RAPH1: variants seen among roughly 807,000 people sequenced by gnomAD.
RAPH1 encodes Ras association (RalGDS/AF-6) and pleckstrin homology domains 1.
RAPH1 carries 18 observed loss-of-function variants against 88.1 expected under a neutral mutation model. That is an observed-to-expected ratio of 0.20 (90% CI 0.14 to 0.30). The LOEUF (loss-of-function observed/expected upper bound fraction) is 0.30, where lower values mean the gene tolerates loss of function less well. Ranked by LOEUF, RAPH1 falls within the 10% of genes least tolerant of loss-of-function variation. The pLI is 1.00. For missense variants in RAPH1, 1,448 were observed against 1,543.2 expected, an observed-to-expected ratio of 0.94 and a Z score of 1.03; for synonymous variants, 587 against 559.0, an observed-to-expected ratio of 1.05 and a Z score of -0.71.
intron 10 of RAPH1, among the ~76,000 whole-genome samples, chr2:203,453,673 G>A (rs2098516738): frequency 6.8e-6 from 1 of 147,458 alleles, no homozygotes; most frequent in African/African-American, 2.5e-5. Flanking sequence ...CCAAACTAAA[G>A]TGACAATTCT....
At chr2:203,449,440 A>G (rs2098512899) in intron 10 of RAPH1, among the ~76,000 whole-genome samples, 1 of 152,220 alleles carries the variant, frequency 6.6e-6, no homozygotes, top group Admixed American at 6.5e-5. Context: ...ATAGATGTCA[A>G]CAGCATCTTC....
At chr2:203,446,766 CAG>C (rs2098510058) in intron 12 of RAPH1, 1 of 152,082 alleles carries the variant, frequency 6.6e-6, no homozygotes, top group African/African-American at 2.4e-5. Context: ...TTTTGTGAGA[CAG>C]GGTCTCGTTC....
Position 203,461,384 on chromosome 2 carries a change from C to G in RAPH1, c.835G>C (p.Asp279His), listed in dbSNP as rs757670367. ...KKLVIRVHMS[D>H]DSSKTMMVDE... ...ACCATCATTGTTTTAGAACTGTCAT[C>G]AGACATGTGGACTCTGATCACCAGC... The change falls in exon 6 of 14, where the codon GAT becomes CAT. Residue 279 changes from aspartate to histidine, a missense_variant. This residue lies in a region of RAPH1 where 513 missense variants were observed against 653.1 expected (regional missense o/e 0.79). Coordinates refer to ENST00000319170, the MANE Select transcript of RAPH1 (RefSeq NM_213589.3). 2.5e-6 allele frequency: 4 copies of G among 1,607,138 alleles called. No individual in the cohort carries two copies. Among genetic ancestry groups the G allele is most frequent in the Non-Finnish European group, 3.4e-6 (4 of 1,176,502 alleles).
chr2:203,449,208 A>T (rs2098512653), intron 10 of RAPH1, among the ~76,000 whole-genome samples: 1 of 152,220 alleles, frequency 6.6e-6, no homozygotes, highest in Non-Finnish European at 1.5e-5. Context: ...TTCACTTTCA[A>T]CCCACTGAAA....
intron 1 of RAPH1, among the ~76,000 whole-genome samples, chr2:203,510,368 T>TGA (rs1689283897): frequency 6.7e-6 from 1 of 148,564 alleles, no homozygotes; most frequent in Non-Finnish European, 1.5e-5. Flanking sequence ...AAAGTCCTCT[T>TGA]GAGGTTCTTG....
In RAPH1 at chr2:203,448,729, G is replaced by GAGA. The variant is rs755757498; in HGVS notation, c.1512+6_1512+8dup. 12 of 1,559,856 alleles carry GAGA rather than the reference G, an allele frequency of 7.7e-6. No homozygotes were observed. The South Asian group carries it at 1.4e-4, about 18-fold the overall frequency. ...CATTATTCCATCATCAAATCAAAAG[G>GAGA]AGACATGCCTTTGCAATGCGGATCC... On this transcript the variant is annotated intron_variant, in intron 11 of 13. Transcript: ENST00000319170. The surrounding 1 kb of genome is among the most constrained non-coding windows in gnomAD (Gnocchi z 4.1).
chr2:203,443,790 G>C (rs1581249798), intron 13 of RAPH1: 1 of 152,186 alleles, frequency 6.6e-6, no homozygotes, highest in Admixed American at 6.6e-5. Flanking sequence ...GACCAGCCCA[G>C]GCAAAATAGC....
intron 4 of RAPH1, among the ~76,000 whole-genome samples, chr2:203,471,845 AT>A (rs1218653225): frequency 6.6e-6 from 1 of 151,712 alleles, no homozygotes; most frequent in Non-Finnish European, 1.5e-5. Flanking sequence ...CTAAGGTCCA[AT>A]TTTTTTAATT....
At position 203,440,703 on chromosome 2, in the gene RAPH1, AG is replaced by A. The variant is rs2098502854; in HGVS notation, c.2486del (p.Pro829LeufsTer34). On this transcript the variant is annotated frameshift_variant, in exon 14 of 14. Transcript: ENST00000319170. LOFTEE classifies it high-confidence loss of function. ...FPASYIPPSP[P>X]TPPVPVPPPT... ...GCGGGGGTACTGGAACAGGAGGGGT[AG>A]GGGGAGAGGGTGGAATGTAAGAAGC... The A allele has an allele frequency of 1.5e-6, 2 of 1,362,004 alleles. No homozygotes were observed. Among genetic ancestry groups the A allele is most frequent in the African/African-American group, 1.9e-5 (1 of 51,666 alleles). 84.4% of individuals were successfully genotyped at this position (1,362,004 alleles called of 1,614,324 possible).
chr2:203,489,070 G>A (rs1397506297), intron 4 of RAPH1, among the ~76,000 whole-genome samples: 6 of 151,630 alleles, frequency 4.0e-5, no homozygotes, highest in Non-Finnish European at 5.9e-5. Flanking sequence ...AGGTTGCAGC[G>A]AGCTGAGATC....
In RAPH1 at chr2:203,439,947, C is replaced by T. The variant is rs928824679; in HGVS notation, c.3243G>A (p.Glu1081=). The change falls in exon 14 of 14, where the codon GAG becomes GAA. Residue 1081 remains glutamate (E), a synonymous_variant. Transcript: ENST00000319170. ...GAATCTCAATGGGGGGCAGAGGAAG[C>T]TCTGTTTCAGGTGGAGGGGGTGGAA... The part of the protein sequence containing the change: ...SDFPPPPPET[E]LPLPPIEIPA... 1 of 1,613,738 alleles carries T rather than the reference C, an allele frequency of 6.2e-7. No individual in the cohort carries two copies. The highest frequency in any genetic ancestry group is 8.5e-7 in the Non-Finnish European group (1 of 1,179,970).
intron 4 of RAPH1, among the ~76,000 whole-genome samples, chr2:203,482,181 T>C (rs1172258665): frequency 3.3e-5 from 5 of 152,074 alleles, no homozygotes; most frequent in Non-Finnish European, 7.4e-5. Flanking sequence ...TACCTATTCC[T>C]TTATTTTATT....
Position 203,447,952 on chromosome 2 carries a change from G to A in RAPH1, c.1633+7C>T, listed in dbSNP as rs200102483. On this transcript the variant is annotated splice_region_variant and intron_variant, in intron 12 of 13. Coordinates refer to ENST00000319170, the MANE Select transcript of RAPH1 (RefSeq NM_213589.3). ...GCAAAATAGTGCTTTGAAGCATTTT[G>A]AACTACCTGGGATGCTGGAAGAACT... 1.0e-3 allele frequency: 1,632 copies of A among 1,613,490 alleles called. 1 individual carries two copies. Among genetic ancestry groups the A allele is most frequent in the Non-Finnish European group, 1.3e-3 (1,549 of 1,179,750 alleles).
At chr2:203,477,144 G>C in intron 4 of RAPH1, 3 of 1,613,852 alleles carry the variant, frequency 1.9e-6, no homozygotes, top group Non-Finnish European at 2.5e-6. Flanking sequence ...GAACATCTCA[G>C]AGAAATAGCA....
At chr2:203,522,720 C>T (rs565157050) in intron 1 of RAPH1, among the ~76,000 whole-genome samples, 5 of 151,514 alleles carry the variant, frequency 3.3e-5, no homozygotes, top group South Asian at 2.1e-4. Flanking sequence ...TGGCCAACAT[C>T]GTGAAACCTC....
chr2:203,495,524 G>A lies in RAPH1; in HGVS notation c.1-171C>T, dbSNP rs541276001. Reference sequence around the variant, plus strand: ...TCATTAATGGAGACAGTGTTCACAAGTGAGTAGAAACAAAGAATAAAGTTT... The same window carrying A: ...TCATTAATGGAGACAGTGTTCACAAATGAGTAGAAACAAAGAATAAAGTTT... On this transcript the variant is annotated intron_variant, in intron 1 of 13. Coordinates refer to ENST00000319170, the MANE Select transcript of RAPH1 (RefSeq NM_213589.3). Among the ~76,000 whole-genome samples the A allele has an allele frequency of 1.2e-4, 19 of 152,246 alleles. No homozygotes were observed. The East Asian group carries it at 3.7e-3, about 29-fold the overall frequency.
intron 1 of RAPH1, among the ~76,000 whole-genome samples, chr2:203,511,239 A>T (rs1689328127): frequency 6.6e-6 from 1 of 152,106 alleles, no homozygotes; most frequent in Non-Finnish European, 1.5e-5. Context: ...TTCTAATTTA[A>T]GATGACTCAA....
intron 7 of RAPH1, among the ~76,000 whole-genome samples, chr2:203,459,286 G>A (rs1230879196): frequency 6.6e-6 from 1 of 152,194 alleles, no homozygotes; most frequent in Non-Finnish European, 1.5e-5. Flanking sequence ...GCATAACTAT[G>A]CAATATCTTT....
intron 5 of RAPH1, 67 bp downstream of exon 5, chr2:203,461,781 G>C (rs1208196173): frequency 5.2e-6 from 6 of 1,143,862 alleles, no homozygotes; most frequent in Non-Finnish European, 6.3e-6. Flanking sequence ...ACATAAACAA[G>C]GCAATTCTTC....
Sources: gnomAD v4.1 joint callset for allele counts (sites outside exome capture counted in the v4.1 genomes callset) on GRCh38, gnomAD v4.1.1 for gene constraint, gnomAD v4.1.1 regional missense constraint, Gnocchi (gnomAD v3.1) non-coding constraint, MANE v1.5 for transcripts, NCBI Gene and HGNC (gene_info 2026-07-23, HGNC 2026-07-21) for gene names.